The following ANXA1 variants were observed in gnomAD, a reference collection of about 807,000 sequenced individuals.
ANXA1 encodes annexin A1, also known as annexin I (lipocortin I).
A neutral mutation model predicts 47.9 loss-of-function variants in ANXA1; 39 were observed. That is an observed-to-expected ratio of 0.81 (90% CI 0.63 to 1.06). ANXA1 has a LOEUF of 1.06. Ranked by LOEUF, ANXA1 falls within the 50% of genes least tolerant of loss-of-function variation. ANXA1 has a pLI of 0.00. For synonymous variants in ANXA1, 146 were observed against 142.5 expected (o/e 1.02, Z -0.17); for missense variants, 446 against 422.7 (o/e 1.06, Z -0.48).
At chr9:73,158,100 G>T (rs1055177641) in intron 1 of ANXA1, 2 of 166,946 alleles carry the variant, frequency 1.2e-5, no homozygotes, top group Admixed American at 5.7e-5. Context: ...TTCCTATGGA[G>T]AGCACACACT....
intron 4 of ANXA1, chr9:73,159,679 G>T: frequency 6.8e-6 from 2 of 292,894 alleles, no homozygotes; most frequent in Non-Finnish European, 6.5e-6. Context: ...TAATTTGAAC[G>T]TAAACATCGA....
chr9:73,169,253 A>C, intron 12 of ANXA1, 99 bp downstream of exon 12: 3 of 1,291,636 alleles, frequency 2.3e-6, no homozygotes, highest in Non-Finnish European at 3.1e-6. Flanking sequence ...TAAATTTAAT[A>C]TGTAAGATTA....
In ANXA1 at chr9:73,165,034, T is replaced by C. The variant is rs1319303559; in HGVS notation, c.613-82T>C. 2.6e-6 allele frequency: 3 copies of C among 1,143,706 alleles called. No individual in the cohort carries two copies. In the African/African-American group the frequency reaches 4.7e-5, roughly 18 times the overall value. The allele number at this position is 1,143,706 out of a possible 1,614,324, so 70.8% of individuals were successfully genotyped here. A position where few individuals can be genotyped will look rare whatever the true frequency, so the allele number is the denominator to read the frequency against. On this transcript the variant is annotated intron_variant, in intron 8 of 12. Transcript: ENST00000257497. ...ATTGGGCACAAAGCGATTGCCTATA[T>C]AATCTTTGACAAGGTCTAACATTAT... is the stretch of plus-strand genomic sequence containing the variant.
intron 1 of ANXA1, chr9:73,154,358 A>C (rs752852378): frequency 7.3e-7 from 1 of 1,365,754 alleles, no homozygotes; most frequent in East Asian, 4.6e-5. Flanking sequence ...TGATTAAAAG[A>C]ACACTGATCA....
chr9:73,159,499 C>CCTA, intron 4 of ANXA1, 76 bp downstream of exon 4: 1 of 1,292,928 alleles, frequency 7.7e-7, no homozygotes, highest in South Asian at 1.2e-5. Context: ...AGCACAGTTA[C>CCTA]CTAGTTCTTT....
chr9:73,162,273 A>C (rs1824155503), intron 6 of ANXA1, among the ~76,000 whole-genome samples: 1 of 152,208 alleles, frequency 6.6e-6, no homozygotes, highest in Non-Finnish European at 1.5e-5. Context: ...TTATAAATTC[A>C]ATTATTTTTT....
rs757802790 is a variant in ANXA1 at position 73,159,389 on chromosome 9, A to G, written c.236A>G (p.Gln79Arg). The part of the protein sequence containing the change: ...LTKRNNAQRQ[Q>R]IKAAYLQETG... ...AAGCGAAACAATGCACAGCGTCAAC[A>G]GATCAAAGCAGCATATCTCCAGGAA... The change falls in exon 4 of 13, where the codon CAG (glutamine) becomes CGG (arginine). Residue 79 changes from glutamine to arginine, a missense_variant. Gln to Arg is a conservative substitution (Grantham distance 43, BLOSUM62 1). Coordinates refer to ENST00000257497, the MANE Select transcript of ANXA1 (RefSeq NM_000700.3). 25 of 1,613,206 alleles carry G rather than the reference A, an allele frequency of 1.5e-5. No homozygotes were observed. The highest frequency in any genetic ancestry group is 2.1e-5 in the Non-Finnish European group (25 of 1,179,462).
At chr9:73,169,310 C>T (rs1454162007) in intron 12 of ANXA1, among the ~76,000 whole-genome samples, 156 bp downstream of exon 12, 2 of 152,054 alleles carry the variant, frequency 1.3e-5, no homozygotes, top group African/African-American at 4.8e-5. Context: ...TGAACTTTCA[C>T]TGGTAAAATC....
In ANXA1 at chr9:73,166,191, C is replaced by T. The variant is rs757586479; in HGVS notation, c.801C>T (p.Ile267=). 34 of 1,606,698 alleles carry T rather than the reference C, an allele frequency of 2.1e-5. No homozygotes were observed. The Middle Eastern group carries it at 5.0e-4, about 23-fold the overall frequency. Residue 267 remains isoleucine, a splice_region_variant and synonymous_variant, in exon 10 of 13, where the codon ATC becomes ATT. Coordinates refer to ENST00000257497, the MANE Select transcript of ANXA1 (RefSeq NM_000700.3). ...ACATTGAGAAATGCCTCACAGCTAT[C>T]GGTATGTAGTCCAGCAGTTGAAAGA... ...KGDIEKCLTA[I]VKCATSKPAF...
chr9:73,163,617 C>T (rs1230784394), intron 8 of ANXA1, 85 bp downstream of exon 8: 1 of 1,389,276 alleles, frequency 7.2e-7, no homozygotes, highest in Non-Finnish European at 1.0e-6. Context: ...GAAAGCAAAT[C>T]TAAGATCTTC....
At chr9:73,157,027 G>T (rs529866490) in intron 1 of ANXA1, among the ~76,000 whole-genome samples, 1 of 152,112 alleles carries the variant, frequency 6.6e-6, no homozygotes, top group Non-Finnish European at 1.5e-5. Context: ...AGCAATTCAA[G>T]AAATTTCCTT....
chr9:73,162,963 T>G, intron 7 of ANXA1, 102 bp downstream of exon 7: 1 of 977,280 alleles, frequency 1.0e-6, no homozygotes, highest in Non-Finnish European at 1.5e-6. Context: ...TAGGTAATTT[T>G]TAAAGATAAA....
intron 1 of ANXA1, among the ~76,000 whole-genome samples, chr9:73,152,215 C>T (rs1014059078): frequency 6.6e-6 from 1 of 152,164 alleles, no homozygotes; most frequent in Non-Finnish European, 1.5e-5. Flanking sequence ...GAAGAATGTG[C>T]TTTCCCTCTG....
intron 1 of ANXA1, among the ~76,000 whole-genome samples, chr9:73,156,148 TATAAATAA>T (rs995474223): frequency 2.6e-4 from 25 of 95,508 alleles, no homozygotes; most frequent in African/African-American, 8.6e-4. Context: ...TAATAAATAA[TATAAATAA>T]ATAAATAAAT....
intron 1 of ANXA1, chr9:73,158,118 A>C (rs902453435): frequency 1.7e-5 from 3 of 176,842 alleles, no homozygotes; most frequent in Non-Finnish European, 3.7e-5. Context: ...ACTAGCTTTA[A>C]GTCCTGAGGG....
chr9:73,164,862 T>C (rs1172107324), intron 8 of ANXA1, among the ~76,000 whole-genome samples: 1 of 152,146 alleles, frequency 6.6e-6, no homozygotes, highest in East Asian at 1.9e-4. Context: ...AGCAATTTAG[T>C]TCAGCAAACA....
At chr9:73,169,551 A>T (rs772656752) in intron 12 of ANXA1, among the ~76,000 whole-genome samples, 1 of 152,148 alleles carries the variant, frequency 6.6e-6, no homozygotes, top group Non-Finnish European at 1.5e-5. Context: ...TTTATGTTCA[A>T]ATTGTCTCAT....
At chr9:73,157,844 C>G (rs1225247781) in intron 1 of ANXA1, 4 of 152,066 alleles carry the variant, frequency 2.6e-5, no homozygotes, top group African/African-American at 9.7e-5. Flanking sequence ...TAAATGAAAC[C>G]ATGCTGCTTT....
At chr9:73,160,482 T>C (rs921889371) in intron 5 of ANXA1, 106 bp downstream of exon 5, 1 of 714,428 alleles carries the variant, frequency 1.4e-6, no homozygotes, top group African/African-American at 1.8e-5. Context: ...TGTCAATCAG[T>C]GGGAGTTTGA....
Sources: allele counts gnomAD v4.1 joint callset (sites outside exome capture counted in the v4.1 genomes callset), GRCh38; gene constraint gnomAD v4.1.1; transcripts MANE v1.5; gene names NCBI Gene and HGNC (gene_info 2026-07-23, HGNC 2026-07-21).